Variants in MEF2D observed in about 807,000 individuals in gnomAD.
MEF2D encodes myocyte enhancer factor 2D.
A neutral mutation model predicts 59.3 loss-of-function variants in MEF2D; 10 were observed. The ratio of observed to expected loss-of-function variants is 0.17; its 90% CI spans 0.10 to 0.29. The LOEUF (loss-of-function observed/expected upper bound fraction) is 0.29. Ranked by LOEUF, MEF2D falls within the 10% of genes least tolerant of loss-of-function variation. MEF2D has a pLI of 1.00. For missense variants in MEF2D, 508 were observed against 699.4 expected (o/e 0.73, Z 3.09); for synonymous variants, 305 against 295.0 (o/e 1.03, Z -0.35).
chr1:156,499,896 A>C (rs1361909400), intron 1 of MEF2D, among the ~76,000 whole-genome samples: 1 of 151,814 alleles, frequency 6.6e-6, no homozygotes, highest in East Asian at 1.9e-4. Context: ...CCGGAGACAC[A>C]CACACTCACA....
chr1:156,468,380 C>G lies in MEF2D; in HGVS notation c.1248-81G>C, dbSNP rs1327306940. On this transcript the variant is annotated intron_variant, in intron 10 of 11. Transcript: ENST00000348159. This position sits in a 1 kb window ranked among gnomAD's most constrained non-coding sequence, Gnocchi z 4.3. ...ACAGAACAAGTGATAGGACACCAGA[C>G]AGAAAGTGAGAGAGAACAAGAGGAT... 5 of 1,047,640 alleles carry G rather than the reference C, an allele frequency of 4.8e-6. No individual in the cohort carries two copies. Among genetic ancestry groups the G allele is most frequent in the Non-Finnish European group, 6.9e-6 (5 of 723,732 alleles). The allele number at this position is 1,047,640 out of a possible 1,614,324, so 64.9% of individuals were successfully genotyped here. A position where few individuals can be genotyped will look rare whatever the true frequency, so the allele number is the denominator to read the frequency against.
At chr1:156,470,858 C>G (rs182186184) in intron 9 of MEF2D, among the ~76,000 whole-genome samples, 6 of 152,242 alleles carry the variant, frequency 3.9e-5, no homozygotes, top group South Asian at 4.2e-4. Flanking sequence ...ACTGCAGCCT[C>G]AAGTTTGAGG....
chr1:156,483,374 AAC>A lies in MEF2D; in HGVS notation c.-84_-83del. 1 of 1,322,794 alleles carries A rather than the reference AAC, an allele frequency of 7.6e-7. No individual in the cohort carries two copies. Among genetic ancestry groups the A allele is most frequent in the Non-Finnish European group, 1.1e-6 (1 of 915,564 alleles). 81.9% of individuals were successfully genotyped at this position (1,322,794 alleles called of 1,614,324 possible). A position where few individuals can be genotyped will look rare whatever the true frequency, so the allele number is the denominator to read the frequency against. ...CGGCACACCTTACACTGTGCTCATG[AAC>A]GGTCTGGGAACAGTGCTCAGTTCAT... On this transcript the variant is annotated 5_prime_UTR_variant, in exon 2 of 12. Coordinates refer to ENST00000348159, the MANE Select transcript of MEF2D (RefSeq NM_005920.4).
At position 156,469,022 on chromosome 1, in the gene MEF2D, T is replaced by A; in HGVS notation, c.1007-2A>T. On this transcript the variant is annotated splice_acceptor_variant, in intron 9 of 11. Coordinates refer to ENST00000348159, the MANE Select transcript of MEF2D (RefSeq NM_005920.4). LOFTEE classifies it high-confidence loss of function. ...GCTCTGCACTGGTCAACTGGTAATC[T>A]GCATGGAGGAAAAGTGAGGATGAAC... The A allele has an allele frequency of 6.3e-7, 1 of 1,589,954 alleles. No homozygotes were observed. Among genetic ancestry groups the A allele is most frequent in the Non-Finnish European group, 8.6e-7 (1 of 1,161,148 alleles).
chr1:156,488,631 G>A (rs1012140606), intron 1 of MEF2D, among the ~76,000 whole-genome samples: 2 of 152,312 alleles, frequency 1.3e-5, no homozygotes, highest in Middle Eastern at 3.4e-3. Context: ...AAGGAGGACT[G>A]GTTTGGAGGG....
chr1:156,483,373 G>T lies in MEF2D; in HGVS notation c.-81C>A, dbSNP rs1433853022. The T allele has an allele frequency of 1.5e-6, 2 of 1,320,640 alleles. No individual in the cohort carries two copies. The highest frequency in any genetic ancestry group is 2.9e-5 in the African/African-American group (2 of 69,170). 81.8% of individuals were successfully genotyped at this position (1,320,640 alleles called of 1,614,324 possible). ...TCGGCACACCTTACACTGTGCTCATGAACGGTCTGGGAACAGTGCTCAGTT... is the reference window on the plus strand; with the variant it reads ...TCGGCACACCTTACACTGTGCTCATTAACGGTCTGGGAACAGTGCTCAGTT... On this transcript the variant is annotated 5_prime_UTR_variant, in exon 2 of 12. Transcript: ENST00000348159.
chr1:156,472,750 C>T (rs1671314734), intron 9 of MEF2D, among the ~76,000 whole-genome samples: 1 of 151,292 alleles, frequency 6.6e-6, no homozygotes, highest in Non-Finnish European at 1.5e-5. Context: ...CTCACTGTTG[C>T]CCAGGCTGGA....
chr1:156,482,342 G>A (rs566769169), intron 3 of MEF2D, 95 bp downstream of exon 3: 3 of 1,283,450 alleles, frequency 2.3e-6, no homozygotes, highest in East Asian at 2.3e-5. Context: ...ACCAGTGTGT[G>A]TGCATAGGCA....
intron 3 of MEF2D, 139 bp downstream of exon 3, chr1:156,482,298 T>G (rs947789518): frequency 1.2e-6 from 1 of 864,960 alleles, no homozygotes; most frequent in African/African-American, 1.7e-5. Flanking sequence ...TGCATGTGTG[T>G]GCGCACAGGT....
Position 156,467,517 on chromosome 1 carries a change from C to G in MEF2D, c.*128G>C, listed in dbSNP as rs575019158. 1 of 528,868 alleles carries G rather than the reference C, an allele frequency of 1.9e-6. No homozygotes were observed. The highest frequency in any genetic ancestry group is 1.9e-5 in the African/African-American group (1 of 51,416). The allele number at this position is 528,868 out of a possible 1,614,324, so 32.8% of individuals were successfully genotyped here. Reference sequence around the variant, plus strand: ...TATAATAATTATACACAAATGTAACCGTCAACAGGACACGAAGCACAAGAA... The same window carrying G: ...TATAATAATTATACACAAATGTAACGGTCAACAGGACACGAAGCACAAGAA... On this transcript the variant is annotated 3_prime_UTR_variant, in exon 12 of 12. Transcript: ENST00000348159.
At position 156,484,894 on chromosome 1, in the gene MEF2D, G is replaced by C. The variant is rs117144646; in HGVS notation, c.-138-1464C>G. On this transcript the variant is annotated intron_variant, in intron 1 of 11. Transcript: ENST00000348159. Reference sequence around the variant, plus strand: ...CTGGAAGGGCCCAAGATGGGACGGAGGCACGGAATGACTTCAGGGCCCCCT... The same window carrying C: ...CTGGAAGGGCCCAAGATGGGACGGACGCACGGAATGACTTCAGGGCCCCCT... 6.7e-4 allele frequency among the ~76,000 whole-genome samples: 102 copies of C among 152,310 alleles called. 5 individuals are homozygous for C. In the East Asian group the frequency reaches 0.01, roughly 15 times the overall value.
rs1670699997 is a variant in MEF2D, at chr1:156,464,304, CCAAA to C, written c.*3337_*3340del. ...GATACACTTTTACATTTCTGTCTCT[CCAAA>C]CAAATAAATAATCAGCAAGAGAAGG... On this transcript the variant is annotated 3_prime_UTR_variant, in exon 12 of 12. Coordinates refer to ENST00000348159, the MANE Select transcript of MEF2D (RefSeq NM_005920.4). 1 of 152,418 alleles carries C rather than the reference CCAAA, an allele frequency of 6.6e-6. No homozygotes were observed. The highest frequency in any genetic ancestry group is 2.1e-4 in the South Asian group (1 of 4,820). 9.4% of individuals were successfully genotyped at this position (152,418 alleles called of 1,614,324 possible).
At chr1:156,495,162 A>C (rs145334681) in intron 1 of MEF2D, among the ~76,000 whole-genome samples, 3 of 152,032 alleles carry the variant, frequency 2.0e-5, no homozygotes, top group East Asian at 1.9e-4. Context: ...CCTTGCCACC[A>C]AAGGCTGATT....
In MEF2D at chr1:156,477,177, A is replaced by T; in HGVS notation, c.690T>A (p.Ala230=). 1 of 1,611,142 alleles carries T rather than the reference A, an allele frequency of 6.2e-7. No homozygotes were observed. Among genetic ancestry groups the T allele is most frequent in the Non-Finnish European group, 8.5e-7 (1 of 1,178,276 alleles). ...TGGCCACAGGGAGGAGGCCAGGGGA[A>T]GCCCGAGCACTGACGTAGCCATTCC... The part of the protein sequence containing the change: ...PVGNGYVSAR[A]SPGLLPVANG... The change falls in exon 7 of 12, where the codon GCT becomes GCA. Residue 230 remains alanine (A), a synonymous_variant. Coordinates refer to ENST00000348159, the MANE Select transcript of MEF2D (RefSeq NM_005920.4).
intron 1 of MEF2D, among the ~76,000 whole-genome samples, chr1:156,499,097 C>T (rs992957623): frequency 6.6e-6 from 1 of 152,130 alleles, no homozygotes; most frequent in African/African-American, 2.4e-5. Context: ...AGCTCCCAAA[C>T]GCCAAAACAC....
chr1:156,479,956 C>G (rs1671884528), intron 4 of MEF2D, among the ~76,000 whole-genome samples, 160 bp from the exon 5 acceptor site: 1 of 152,148 alleles, frequency 6.6e-6, no homozygotes, highest in Non-Finnish European at 1.5e-5. Context: ...GGAGTCCTGC[C>G]TGCCAGTCCC....
rs1322513926 is a variant in MEF2D, at chr1:156,495,656, C to A, written c.-139+4830G>T. Among the ~76,000 whole-genome samples, 4 of 138,896 alleles carry A rather than the reference C, an allele frequency of 2.9e-5. No homozygotes were observed. The East Asian group carries it at 6.8e-4, about 24-fold the overall frequency. The allele number at this position is 138,896 out of a possible 152,430, so 91.1% of individuals were successfully genotyped here. On this transcript the variant is annotated intron_variant, in intron 1 of 11. Coordinates refer to ENST00000348159, the MANE Select transcript of MEF2D (RefSeq NM_005920.4). ...TCGAGCCTGGACAACAGAGCAAGATCCTACCTCAAAAAAAATTAAAAAGTT... is the reference window on the plus strand; with the variant it reads ...TCGAGCCTGGACAACAGAGCAAGATACTACCTCAAAAAAAATTAAAAAGTT...
intron 1 of MEF2D, 126 bp from the exon 2 acceptor site, chr1:156,483,556 A>G: frequency 1.8e-6 from 1 of 562,722 alleles, no homozygotes. Flanking sequence ...CACCCTCAAC[A>G]TGAGGCAATG....
At chr1:156,492,814 G>A (rs1283965642) in intron 1 of MEF2D, among the ~76,000 whole-genome samples, 2 of 152,210 alleles carry the variant, frequency 1.3e-5, no homozygotes, top group Non-Finnish European at 2.9e-5. Context: ...GGCCTTGGGG[G>A]CGGGTCAGCT....
Sources: gnomAD v4.1 joint callset for allele counts (sites outside exome capture counted in the v4.1 genomes callset) on GRCh38, gnomAD v4.1.1 for gene constraint, Gnocchi (gnomAD v3.1) non-coding constraint, MANE v1.5 for transcripts, NCBI Gene and HGNC (gene_info 2026-07-23, HGNC 2026-07-21) for gene names.